Variants in HS6ST3 observed in about 807,000 individuals in gnomAD.
HS6ST3 encodes the protein heparan sulfate 6-O-sulfotransferase 3.
Under a neutral mutation model 36.7 loss-of-function variants are expected in HS6ST3, and 12 were observed. That is an observed-to-expected ratio of 0.33 (90% CI 0.21 to 0.53). The LOEUF is 0.53. Among genes scored for constraint, HS6ST3 ranks in the 20% least tolerant of loss-of-function variants. HS6ST3 has a pLI of 0.95. For missense variants in HS6ST3, 584 were observed against 640.9 expected, an observed-to-expected ratio of 0.91 and a Z score of 0.96; for synonymous variants, 240 against 257.5, an observed-to-expected ratio of 0.93 and a Z score of 0.65.
chr13:96,331,599 A>T (rs1417024681), intron 1 of HS6ST3, among the ~76,000 whole-genome samples: 1 of 152,026 alleles, frequency 6.6e-6, no homozygotes, highest in Non-Finnish European at 1.5e-5. Context: ...TCAGACAGGG[A>T]CATTTAAGTC....
At chr13:96,337,456 G>A (rs2055107743) in intron 1 of HS6ST3, among the ~76,000 whole-genome samples, 1 of 152,280 alleles carries the variant, frequency 6.6e-6, no homozygotes. Context: ...AGAAGGGTTC[G>A]TGGGATGTGA....
chr13:96,643,466 T>C (rs2056577557), intron 1 of HS6ST3, among the ~76,000 whole-genome samples: 1 of 151,980 alleles, frequency 6.6e-6, no homozygotes, highest in African/African-American at 2.4e-5. Flanking sequence ...TCTCATTACC[T>C]ATGTTTTCCT....
At chr13:96,684,724 G>C (rs1458941159) in intron 1 of HS6ST3, among the ~76,000 whole-genome samples, 3 of 151,936 alleles carry the variant, frequency 2.0e-5, no homozygotes, top group Non-Finnish European at 4.4e-5. Context: ...GCCCTAACCT[G>C]TTATCACTAG....
intron 1 of HS6ST3, among the ~76,000 whole-genome samples, chr13:96,464,243 C>G (rs963563675): frequency 5.3e-5 from 8 of 151,220 alleles, no homozygotes; most frequent in Middle Eastern, 3.5e-3. Flanking sequence ...TTCCTTACCC[C>G]CCTACCCAGT....
At chr13:96,439,082 G>A (rs9516697) in intron 1 of HS6ST3, among the ~76,000 whole-genome samples, 30 of 150,748 alleles carry the variant, frequency 2.0e-4, no homozygotes, top group Non-Finnish European at 3.3e-4. Flanking sequence ...AAAAAAAAAA[G>A]AAAAAAAAAG....
At chr13:96,625,637 T>A (rs2056509518) in intron 1 of HS6ST3, among the ~76,000 whole-genome samples, 1 of 152,012 alleles carries the variant, frequency 6.6e-6, no homozygotes, top group Non-Finnish European at 1.5e-5. Context: ...TTGAACATAG[T>A]TTCTTGTGTT....
intron 1 of HS6ST3, among the ~76,000 whole-genome samples, chr13:96,461,262 T>C (rs966718143): frequency 2.0e-5 from 3 of 152,192 alleles, no homozygotes; most frequent in African/African-American, 7.2e-5. Flanking sequence ...TATAAACAGC[T>C]TCATATCCTT....
At chr13:96,355,691 A>G (rs1328228795) in intron 1 of HS6ST3, among the ~76,000 whole-genome samples, 1 of 152,122 alleles carries the variant, frequency 6.6e-6, no homozygotes, top group Non-Finnish European at 1.5e-5. Context: ...TCTTGCCTCA[A>G]TTTTGATGGC....
chr13:96,784,649 T>C (rs1877600814), intron 1 of HS6ST3, among the ~76,000 whole-genome samples: 1 of 152,150 alleles, frequency 6.6e-6, no homozygotes, highest in African/African-American at 2.4e-5. Flanking sequence ...TTATATATTA[T>C]CCTCAAGGAA....
At chr13:96,517,380 A>G (rs930921397) in intron 1 of HS6ST3, among the ~76,000 whole-genome samples, 2 of 152,170 alleles carry the variant, frequency 1.3e-5, no homozygotes, top group Non-Finnish European at 2.9e-5. Flanking sequence ...ACCCTGTCTC[A>G]AACAACAGTA....
chr13:96,718,751 GA>G (rs1875769201), intron 1 of HS6ST3, among the ~76,000 whole-genome samples: 1 of 152,142 alleles, frequency 6.6e-6, no homozygotes, highest in Non-Finnish European at 1.5e-5. Context: ...TGCGTTAAAT[GA>G]CAGAATGAAT....
intron 1 of HS6ST3, among the ~76,000 whole-genome samples, chr13:96,382,493 A>G (rs987786177): frequency 1.3e-5 from 2 of 152,238 alleles, no homozygotes; most frequent in African/African-American, 4.8e-5. Context: ...ACTCCATTGC[A>G]TAAGTCAAGG....
At chr13:96,607,254 A>G (rs1295647120) in intron 1 of HS6ST3, among the ~76,000 whole-genome samples, 5 of 152,218 alleles carry the variant, frequency 3.3e-5, no homozygotes, top group Admixed American at 2.6e-4. Flanking sequence ...TAATTACCAC[A>G]TCTTTCAGCA....
chr13:96,331,890 G>A (rs181528672), intron 1 of HS6ST3, among the ~76,000 whole-genome samples: 133 of 152,352 alleles, frequency 8.7e-4, no homozygotes, highest in African/African-American at 3.0e-3. Flanking sequence ...GTGGTGCGCC[G>A]TTTTTTAAGC....
At chr13:96,208,301 G>A (rs1594716903) in intron 1 of HS6ST3, among the ~76,000 whole-genome samples, 2 of 152,112 alleles carry the variant, frequency 1.3e-5, no homozygotes, top group Admixed American at 1.3e-4. Flanking sequence ...TATGTTATAT[G>A]TATATGTCAC....
chr13:96,825,594 CT>C (rs1878630858), intron 1 of HS6ST3, among the ~76,000 whole-genome samples: 1 of 152,138 alleles, frequency 6.6e-6, no homozygotes. Flanking sequence ...TCTCTACCTA[CT>C]TTAGGTAGAG....
chr13:96,587,895 C>T (rs540662789), intron 1 of HS6ST3, among the ~76,000 whole-genome samples: 2 of 152,224 alleles, frequency 1.3e-5, no homozygotes, highest in East Asian at 3.9e-4. Context: ...CACAGGATAT[C>T]GTTTCATTTG....
intron 1 of HS6ST3, among the ~76,000 whole-genome samples, chr13:96,455,297 C>T (rs1302766560): frequency 6.6e-6 from 1 of 152,188 alleles, no homozygotes; most frequent in Non-Finnish European, 1.5e-5. Flanking sequence ...ATGATCATGG[C>T]TCACTGCAGC....
At chr13:96,142,800 C>T (rs1211133943) in intron 1 of HS6ST3, among the ~76,000 whole-genome samples, 1 of 151,904 alleles carries the variant, frequency 6.6e-6, no homozygotes, top group African/African-American at 2.4e-5. Context: ...GTGCTTATAG[C>T]CTATTTTTCT....
Sources: gnomAD v4.1 joint callset for allele counts (sites outside exome capture counted in the v4.1 genomes callset) on GRCh38, gnomAD v4.1.1 for gene constraint, MANE v1.5 for transcripts, NCBI Gene and HGNC (gene_info 2026-07-23, HGNC 2026-07-21) for gene names.